SLC38A8: variants seen among roughly 807,000 people sequenced by gnomAD.
SLC38A8 encodes the protein solute carrier family 38 member 8.
SLC38A8 carries 65 observed loss-of-function variants against 46.0 expected under a neutral mutation model. That is an observed-to-expected ratio of 1.41 (90% CI 1.16 to 1.74). The LOEUF is 1.74. Ranked by LOEUF, SLC38A8 falls within the 40% of genes most tolerant of loss-of-function variation. The probability of loss-of-function intolerance (pLI) is 0.00; values close to 1 mark genes in which losing one functional copy is unlikely to be tolerated. For synonymous variants in SLC38A8, 447 were observed against 243.7 expected (o/e 1.83, Z -7.77); for missense variants, 998 against 567.9 (o/e 1.76, Z -7.70).
At chr16:84,029,268 C>G (rs1160484830) in intron 6 of SLC38A8, among the ~76,000 whole-genome samples, 2 of 152,170 alleles carry the variant, frequency 1.3e-5, no homozygotes, top group Non-Finnish European at 2.9e-5. Context: ...GGGCTGGATT[C>G]CCAAGTTCAA....
chr16:84,042,816 T>A (rs2085382800), upstream of SLC38A8, among the ~76,000 whole-genome samples: 1 of 152,166 alleles, frequency 6.6e-6, no homozygotes, highest in South Asian at 2.1e-4. Context: ...ACTTCTGACC[T>A]GAGCAAGGAA....
rs368678423 is a variant in SLC38A8 at position 84,020,664 on chromosome 16, C to T, written c.805+2111G>A. Among the ~76,000 whole-genome samples the T allele has an allele frequency of 6.6e-5, 10 of 152,308 alleles. No individual in the cohort carries two copies. The South Asian group carries it at 8.3e-4, about 13-fold the overall frequency. On this transcript the variant is annotated intron_variant, in intron 7 of 10. Transcript: ENST00000299709. Reference sequence around the variant, plus strand: ...TCCCGGGAGCAGAGACGTGAGGGCACGTAGGATAGCCTGTGGAGGCACCCT... The same window carrying T: ...TCCCGGGAGCAGAGACGTGAGGGCATGTAGGATAGCCTGTGGAGGCACCCT...
intron 9 of SLC38A8, among the ~76,000 whole-genome samples, chr16:84,014,832 T>C (rs1028368744): frequency 6.6e-6 from 1 of 152,184 alleles, no homozygotes; most frequent in Admixed American, 6.5e-5. Flanking sequence ...GTTGGCCTCT[T>C]TGATAACCAA....
chr16:84,024,191 CTG>C (rs1190512112), intron 6 of SLC38A8, among the ~76,000 whole-genome samples: 2 of 152,178 alleles, frequency 1.3e-5, no homozygotes, highest in Admixed American at 6.5e-5. Flanking sequence ...AAACCCCACT[CTG>C]TGGTGCTAGA....
chr16:84,014,986 T>C (rs1225991893), intron 9 of SLC38A8, among the ~76,000 whole-genome samples: 2 of 152,208 alleles, frequency 1.3e-5, no homozygotes, highest in Non-Finnish European at 2.9e-5. Flanking sequence ...TAAGAGCCTC[T>C]ACCTGTGCTT....
chr16:84,020,844 G>C (rs930109215), intron 7 of SLC38A8, among the ~76,000 whole-genome samples: 2 of 152,146 alleles, frequency 1.3e-5, no homozygotes, highest in Non-Finnish European at 2.9e-5. Flanking sequence ...AGGCCACAGG[G>C]CCACAACCTT....
In SLC38A8 at chr16:84,029,552, C is replaced by A. The variant is rs1409386171; in HGVS notation, c.633-1G>T. The A allele has an allele frequency of 1.9e-6, 3 of 1,613,986 alleles. No homozygotes were observed. The highest frequency in any genetic ancestry group is 1.3e-5 in the African/African-American group (1 of 74,922). On this transcript the variant is annotated splice_acceptor_variant, in intron 5 of 10. Coordinates refer to ENST00000299709, the MANE Select transcript of SLC38A8 (RefSeq NM_001080442.3). LOFTEE classifies it high-confidence loss of function. ...GAACACAGAGGTCCAGGAGGCAGGG[C>A]TGTAAACAGACAAGAACAGGAGTTT...
intron 6 of SLC38A8, among the ~76,000 whole-genome samples, chr16:84,028,041 C>A (rs951865543): frequency 8.4e-5 from 12 of 142,776 alleles, no homozygotes; most frequent in Admixed American, 8.4e-4. Context: ...GGAAATGTTT[C>A]AAGATTTTTT....
intron 3 of SLC38A8, among the ~76,000 whole-genome samples, chr16:84,034,933 A>G (rs943049419): frequency 6.6e-6 from 1 of 152,176 alleles, no homozygotes; most frequent in Admixed American, 6.5e-5. Flanking sequence ...TTTGGCACCA[A>G]AGACATGGTC....
At chr16:84,030,597 G>C (rs2085226310) in intron 5 of SLC38A8, among the ~76,000 whole-genome samples, 1 of 152,034 alleles carries the variant, frequency 6.6e-6, no homozygotes, top group Non-Finnish European at 1.5e-5. Flanking sequence ...GACCCGCCCT[G>C]CTCAGTCCTC....
chr16:84,017,168 C>T lies in SLC38A8; in HGVS notation c.925G>A (p.Val309Ile). ...RVLFAVSIVT[V>I]YPIVLFLGRS... is the part of the protein sequence containing the mutation. Reference sequence around the variant, plus strand: ...CCCAGGAAGAGCACGATGGGGTAGACAGTTACGATGGAGACAGCAAAAAGG... The same window carrying T: ...CCCAGGAAGAGCACGATGGGGTAGATAGTTACGATGGAGACAGCAAAAAGG... Residue 309 changes from valine to isoleucine, a missense_variant, in exon 8 of 11, where the codon GTC becomes ATC. Physicochemically the swap from Val to Ile is conservative, Grantham distance 29. Coordinates refer to ENST00000299709, the MANE Select transcript of SLC38A8 (RefSeq NM_001080442.3). 6.2e-7 allele frequency: 1 copy of T among 1,614,082 alleles called. No individual in the cohort carries two copies. The highest frequency in any genetic ancestry group is 8.5e-7 in the Non-Finnish European group (1 of 1,180,018).
chr16:84,020,977 G>A (rs960656234), intron 7 of SLC38A8, among the ~76,000 whole-genome samples: 3 of 152,134 alleles, frequency 2.0e-5, no homozygotes, highest in Non-Finnish European at 2.9e-5. Context: ...CCAGCATAAC[G>A]TGAGCAGCTA....
At chr16:84,017,409 G>T (rs1567692165) in intron 7 of SLC38A8, 122 bp from the exon 8 acceptor site, 4 of 1,180,610 alleles carry the variant, frequency 3.4e-6, no homozygotes, top group Non-Finnish European at 4.7e-6. Flanking sequence ...CTGAAAGAAG[G>T]TTCTGGAAGG....
At chr16:84,030,452 G>C (rs1034838923) in intron 5 of SLC38A8, among the ~76,000 whole-genome samples, 14 of 152,000 alleles carry the variant, frequency 9.2e-5, no homozygotes, top group African/African-American at 3.1e-4. Context: ...GCCAACGTCA[G>C]CCACGTTTCT....
intron 5 of SLC38A8, among the ~76,000 whole-genome samples, chr16:84,030,705 C>G (rs1056211750): frequency 2.6e-5 from 4 of 152,182 alleles, no homozygotes; most frequent in Admixed American, 2.6e-4. Context: ...CCTTCCAACC[C>G]ACCAGCAGCA....
At chr16:84,042,887 C>G (rs957721136), upstream of SLC38A8, among the ~76,000 whole-genome samples, 2 of 152,160 alleles carry the variant, frequency 1.3e-5, no homozygotes, top group African/African-American at 4.8e-5. Context: ...GTGGAGCTTT[C>G]TCAGCTGCCC....
At chr16:84,038,997 A>T (rs1172220351) in intron 2 of SLC38A8, among the ~76,000 whole-genome samples, 1 of 152,080 alleles carries the variant, frequency 6.6e-6, no homozygotes, top group African/African-American at 2.4e-5. Flanking sequence ...TAATTAAGTG[A>T]AAAAGGGGTT....
chr16:84,032,743 A>G (rs926923723), intron 4 of SLC38A8, among the ~76,000 whole-genome samples: 3 of 152,204 alleles, frequency 2.0e-5, no homozygotes, highest in Non-Finnish European at 4.4e-5. Context: ...CATACACAAC[A>G]GGGAAAAGGC....
chr16:84,029,610 G>A lies in SLC38A8; in HGVS notation c.633-59C>T, dbSNP rs11863267. ...AAGGGTCACACCCGGAACAACCTGCGGCTGCAATGGTGAATTTTAAAGGAT... is the reference window on the plus strand; with the variant it reads ...AAGGGTCACACCCGGAACAACCTGCAGCTGCAATGGTGAATTTTAAAGGAT... On this transcript the variant is annotated intron_variant, in intron 5 of 10. Transcript: ENST00000299709. 149,880 of 1,529,328 alleles carry A rather than the reference G, an allele frequency of 0.098. 7,812 individuals carry two copies. The highest frequency in any genetic ancestry group is 0.18 in the East Asian group (8,202 of 44,350). The allele number at this position is 1,529,328 out of a possible 1,614,324, so 94.7% of individuals were successfully genotyped here.
Sources: allele counts gnomAD v4.1 joint callset (sites outside exome capture counted in the v4.1 genomes callset), GRCh38; gene constraint gnomAD v4.1.1; transcripts MANE v1.5; gene names NCBI Gene and HGNC (gene_info 2026-07-23, HGNC 2026-07-21).